Variants in TRPC4AP observed in about 807,000 individuals in gnomAD.
The protein encoded by TRPC4AP is transient receptor potential cation channel subfamily C member 4 associated protein.
A neutral mutation model predicts 99.0 loss-of-function variants in TRPC4AP; 45 were observed. The observed-to-expected ratio is 0.45, with a 90% CI of 0.36 to 0.58. The LOEUF (loss-of-function observed/expected upper bound fraction) is 0.58, where lower values mean the gene tolerates loss of function less well. Among genes scored for constraint, TRPC4AP ranks in the 20% least tolerant of loss-of-function variants. The pLI, the probability that TRPC4AP is intolerant of heterozygous loss-of-function variation, is 0.00. For missense variants in TRPC4AP, 879 were observed against 985.3 expected (o/e 0.89, Z 1.44); for synonymous variants, 408 against 385.8 (o/e 1.06, Z -0.67).
intron 1 of TRPC4AP, among the ~76,000 whole-genome samples, chr20:35,090,210 T>C (rs1368154310): frequency 6.7e-6 from 1 of 150,108 alleles, no homozygotes; most frequent in East Asian, 2.0e-4. Context: ...AAAAGAAATA[T>C]TTGAAAGATG....
intron 14 of TRPC4AP, 43 bp from the exon 15 acceptor site, chr20:35,006,618 C>G (rs1324255295): frequency 6.3e-7 from 1 of 1,598,942 alleles, no homozygotes; most frequent in African/African-American, 1.3e-5. Context: ...CGTGGCTGCC[C>G]CCACCAGGGC....
chr20:35,055,782 C>CT (rs1214803054), intron 4 of TRPC4AP, among the ~76,000 whole-genome samples: 2 of 152,218 alleles, frequency 1.3e-5, no homozygotes, highest in Non-Finnish European at 2.9e-5. Flanking sequence ...CTGAGCATTT[C>CT]TTTTTTTGTT....
At chr20:35,021,045 T>C (rs1196921484) in intron 9 of TRPC4AP, 145 bp downstream of exon 9, 3 of 861,832 alleles carry the variant, frequency 3.5e-6, no homozygotes. Flanking sequence ...TCCTTATAGG[T>C]AGAACAGAAG....
intron 12 of TRPC4AP, 139 bp from the exon 13 acceptor site, chr20:35,008,886 G>T: frequency 2.8e-6 from 2 of 724,086 alleles, no homozygotes; most frequent in Non-Finnish European, 4.6e-6. Flanking sequence ...CTCCAACTGG[G>T]TCCAGAGCCC....
At chr20:35,092,401 G>A (rs1271710946) in intron 1 of TRPC4AP, among the ~76,000 whole-genome samples, 1 of 152,222 alleles carries the variant, frequency 6.6e-6, no homozygotes, top group Non-Finnish European at 1.5e-5. Flanking sequence ...CAGCAGCCCA[G>A]CCCCGCTCGG....
At position 35,035,197 on chromosome 20, in the gene TRPC4AP, T is replaced by C; in HGVS notation, c.977A>G (p.Tyr326Cys). 6.2e-7 allele frequency: 1 copy of C among 1,614,172 alleles called. No homozygotes were observed. The highest frequency in any genetic ancestry group is 8.5e-7 in the Non-Finnish European group (1 of 1,180,016). The part of the protein sequence containing the change: ...ASFLQELEEW[Y>C]TWLDNALVLD... The stretch of plus-strand genomic sequence containing the variant: ...CACCAAAGCATTGTCTAGCCATGTG[T>C]ACCACTCTTCCAACTCCTGAAGGAA... The change falls in exon 8 of 19, where the codon TAC (tyrosine) becomes TGC (cysteine). Residue 326 changes from tyrosine (Y) to cysteine (C), a missense_variant. By Grantham distance (194) the Tyr-to-Cys change is radical (BLOSUM62 -2). This residue lies in a region of TRPC4AP where 603 missense variants were observed against 631.8 expected (regional missense o/e 0.95). Coordinates refer to ENST00000252015, the MANE Select transcript of TRPC4AP (RefSeq NM_015638.3).
At chr20:35,023,090 G>A (rs951900465) in intron 8 of TRPC4AP, among the ~76,000 whole-genome samples, 9 of 151,874 alleles carry the variant, frequency 5.9e-5, no homozygotes, top group Non-Finnish European at 8.8e-5. Flanking sequence ...ATCTTTCCCC[G>A]TCATGTTAAA....
chr20:35,072,224 C>T (rs375240443), intron 2 of TRPC4AP, among the ~76,000 whole-genome samples: 26 of 152,118 alleles, frequency 1.7e-4, no homozygotes, highest in East Asian at 3.8e-4. Context: ...TCTCCCATTC[C>T]GTAGGTTGCC....
In TRPC4AP at chr20:35,008,743, A is replaced by C; in HGVS notation, c.1516T>G (p.Leu506Val). 1 of 1,613,404 alleles carries C rather than the reference A, an allele frequency of 6.2e-7. No individual in the cohort carries two copies. Among genetic ancestry groups the C allele is most frequent in the Non-Finnish European group, 8.5e-7 (1 of 1,179,652 alleles). The change falls in exon 13 of 19, where the codon TTG (leucine) becomes GTG (valine). Residue 506 changes from leucine to valine, a missense_variant. Around this residue, in one of 3 missense-constraint regions of TRPC4AP, gnomAD observed 603 missense variants for 631.8 expected, o/e 0.95. Coordinates refer to ENST00000252015, the MANE Select transcript of TRPC4AP (RefSeq NM_015638.3). ...VEAVLNTDRSLVCDGKRGLLT... is the reference protein window; with the variant it reads ...VEAVLNTDRSVVCDGKRGLLT... Reference sequence around the variant, plus strand: ...AAGCCCCTCTTCCCATCACACACCAAACTCCTGAAATAGAAGAGAGATATT... The same window carrying C: ...AAGCCCCTCTTCCCATCACACACCACACTCCTGAAATAGAAGAGAGATATT...
Position 35,002,523 on chromosome 20 carries a change from C to T in TRPC4AP, c.*623G>A. On this transcript the variant is annotated 3_prime_UTR_variant, in exon 19 of 19. Transcript: ENST00000252015. ...CTCAGGCAGGAGCGGCTGCCTCAGG[C>T]AGAGGCAGGGCAGGCACAGCTGCCC... The T allele has an allele frequency of 4.0e-6, 1 of 247,942 alleles. No individual in the cohort carries two copies. The highest frequency in any genetic ancestry group is 7.6e-5 in the East Asian group (1 of 13,194). 15.4% of individuals were successfully genotyped at this position (247,942 alleles called of 1,614,324 possible). A position where few individuals can be genotyped will look rare whatever the true frequency, so the allele number is the denominator to read the frequency against.
At chr20:35,070,668 G>T (rs2145994511) in intron 2 of TRPC4AP, among the ~76,000 whole-genome samples, 1 of 152,314 alleles carries the variant, frequency 6.6e-6, no homozygotes, top group East Asian at 1.9e-4. Flanking sequence ...AGAGTGCTGG[G>T]ATTACAGGCG....
chr20:35,070,300 AG>A (rs1223114317), intron 2 of TRPC4AP, among the ~76,000 whole-genome samples: 5 of 152,338 alleles, frequency 3.3e-5, no homozygotes, highest in South Asian at 2.1e-4. Flanking sequence ...AATCTCCTGC[AG>A]GAAGTCTTCT....
intron 11 of TRPC4AP, among the ~76,000 whole-genome samples, chr20:35,011,780 A>G (rs2082643494): frequency 6.6e-6 from 1 of 152,158 alleles, no homozygotes. Context: ...CTGTTCACTC[A>G]ATTCACTACA....
intron 10 of TRPC4AP, among the ~76,000 whole-genome samples, chr20:35,015,431 G>A (rs2082730441): frequency 2.0e-5 from 3 of 151,272 alleles, no homozygotes; most frequent in Non-Finnish European, 4.4e-5. Flanking sequence ...GATTACAAGG[G>A]GAAGTTGGCT....
At chr20:35,050,071 A>T in intron 5 of TRPC4AP, 77 bp from the exon 6 acceptor site, 1 of 1,484,190 alleles carries the variant, frequency 6.7e-7, no homozygotes, top group Non-Finnish European at 9.1e-7. Flanking sequence ...CTTTACAGAC[A>T]CTGAAAAGCA....
chr20:35,064,920 G>A (rs2084104607), intron 3 of TRPC4AP, among the ~76,000 whole-genome samples: 1 of 152,054 alleles, frequency 6.6e-6, no homozygotes. Context: ...TACACCTAAC[G>A]GTCTTGGTAT....
intron 3 of TRPC4AP, 103 bp downstream of exon 3, chr20:35,069,193 A>T (rs1383387463): frequency 5.8e-6 from 4 of 690,856 alleles, no homozygotes; most frequent in Non-Finnish European, 1.0e-5. Context: ...AAAATCTGAA[A>T]TGTTATAAAT....
chr20:35,080,112 A>G lies in TRPC4AP; in HGVS notation c.169-1938T>C, dbSNP rs1434450725. ...AAATAAAATATAGTATATCCATCCAATGGAATATTATTCAGCAAAAAAAGT... is the reference window on the plus strand; with the variant it reads ...AAATAAAATATAGTATATCCATCCAGTGGAATATTATTCAGCAAAAAAAGT... On this transcript the variant is annotated intron_variant, in intron 1 of 18. Transcript: ENST00000252015. 3.3e-5 allele frequency among the ~76,000 whole-genome samples: 5 copies of G among 152,192 alleles called. No individual in the cohort carries two copies. The East Asian group carries it at 9.6e-4, about 29-fold the overall frequency.
At chr20:35,078,998 A>T (rs2084554710) in intron 1 of TRPC4AP, among the ~76,000 whole-genome samples, 1 of 152,176 alleles carries the variant, frequency 6.6e-6, no homozygotes, top group Non-Finnish European at 1.5e-5. Context: ...CTCGGGAGGC[A>T]GAGGTTGCAG....
Sources: allele counts gnomAD v4.1 joint callset (sites outside exome capture counted in the v4.1 genomes callset), GRCh38; gene constraint gnomAD v4.1.1; regional missense constraint gnomAD v4.1.1; transcripts MANE v1.5; gene names NCBI Gene and HGNC (gene_info 2026-07-23, HGNC 2026-07-21).